TRAK1: variants seen among roughly 807,000 people sequenced by gnomAD.
TRAK1 encodes the protein trafficking kinesin protein 1.
TRAK1 carries 33 observed loss-of-function variants against 92.1 expected under a neutral mutation model. The ratio of observed to expected loss-of-function variants is 0.36; its 90% confidence interval spans 0.27 to 0.48. TRAK1 has a LOEUF of 0.48. Among genes scored for constraint, TRAK1 ranks in the 20% least tolerant of loss-of-function variants. The probability of loss-of-function intolerance (pLI) is 0.99; values close to 1 mark genes in which losing one functional copy is unlikely to be tolerated. For synonymous variants in TRAK1, 521 were observed against 517.3 expected, an observed-to-expected ratio of 1.01 and a Z score of -0.10; for missense variants, 1,123 against 1,257.9, an observed-to-expected ratio of 0.89 and a Z score of 1.62.
intron 2 of TRAK1, among the ~76,000 whole-genome samples, chr3:42,137,082 T>C (rs1383496728): frequency 1.8e-5 from 2 of 112,084 alleles, no homozygotes; most frequent in Non-Finnish European, 3.9e-5. Context: ...TTGTGAGATT[T>C]TTTTCTAGAT....
intron 9 of TRAK1, among the ~76,000 whole-genome samples, chr3:42,194,576 C>A (rs1460307743): frequency 6.6e-6 from 1 of 152,090 alleles, no homozygotes; most frequent in Non-Finnish European, 1.5e-5. Flanking sequence ...TTTCATTTGC[C>A]CATTGTTGGT....
intron 2 of TRAK1, among the ~76,000 whole-genome samples, chr3:42,138,921 G>GTGTGTA: frequency 6.9e-6 from 1 of 145,756 alleles, no homozygotes; most frequent in Non-Finnish European, 1.5e-5. Context: ...GTGTGTGTGT[G>GTGTGTA]TGTTTGGAGG....
At chr3:42,219,998 T>A (rs879216833) in intron 15 of TRAK1, among the ~76,000 whole-genome samples, 1 of 151,960 alleles carries the variant, frequency 6.6e-6, no homozygotes, top group Admixed American at 6.6e-5. Flanking sequence ...AGTTGGCTAT[T>A]TAGTTAGAAA....
chr3:42,193,001 A>G, intron 7 of TRAK1, 74 bp from the exon 8 acceptor site: 1 of 1,574,974 alleles, frequency 6.3e-7, no homozygotes, highest in Admixed American at 1.8e-5. Context: ...GCAAACCACA[A>G]AGAAACCATT....
In TRAK1 at chr3:42,202,762, C is replaced by G; in HGVS notation, c.1744+10C>G. On this transcript the variant is annotated intron_variant, in intron 13 of 15. Transcript: ENST00000327628. The surrounding 1 kb of genome is among the most constrained non-coding windows in gnomAD (Gnocchi z 6.1). ...GTGAAGCCGCTGGAAGGTGATCACG[C>G]GGGGCCTCGGCCCCTCTCTGTCCTC... 6.2e-7 allele frequency: 1 copy of G among 1,613,226 alleles called. No homozygotes were observed. Among genetic ancestry groups the G allele is most frequent in the Non-Finnish European group, 8.5e-7 (1 of 1,179,418 alleles).
chr3:42,163,590 A>G (rs1701526708), intron 2 of TRAK1, among the ~76,000 whole-genome samples: 1 of 150,550 alleles, frequency 6.6e-6, no homozygotes, highest in African/African-American at 2.4e-5. Flanking sequence ...AAAAAAAGGC[A>G]TGGACCTTCT....
rs1707859956 is a variant in TRAK1 at position 42,203,000 on chromosome 3, T to A, written c.1744+248T>A. Reference sequence around the variant, plus strand: ...AACTCGCCGAGGAAAGACAAGCATGTGCACTGTGGTCTTCTAGTTCTTTCC... The same window carrying A: ...AACTCGCCGAGGAAAGACAAGCATGAGCACTGTGGTCTTCTAGTTCTTTCC... On this transcript the variant is annotated intron_variant, in intron 13 of 15. Transcript: ENST00000327628. This position sits in a 1 kb window ranked among gnomAD's most constrained non-coding sequence, Gnocchi z 6.1. 3.1e-6 allele frequency: 4 copies of A among 1,306,486 alleles called. No individual in the cohort carries two copies. Among genetic ancestry groups the A allele is most frequent in the Non-Finnish European group, 3.9e-6 (4 of 1,026,826 alleles). 80.9% of individuals were successfully genotyped at this position (1,306,486 alleles called of 1,614,324 possible).
chr3:42,044,381 C>T lies in TRAK1; in HGVS notation c.-519+30264C>T, dbSNP rs116286084. 2.6e-3 allele frequency among the ~76,000 whole-genome samples: 398 copies of T among 152,294 alleles called. 1 individual carries two copies. The highest frequency in any genetic ancestry group is 9.2e-3 in the African/African-American group (384 of 41,562). ...TTCACCGTGCTACCCGGGCTGGTCTCGAACTCCTGAGCTCAAGAGATCCAC... is the reference window on the plus strand; with the variant it reads ...TTCACCGTGCTACCCGGGCTGGTCTTGAACTCCTGAGCTCAAGAGATCCAC... On this transcript the variant is annotated intron_variant, in intron 1 of 16. Transcript: ENST00000487159.
At chr3:42,032,422 C>T (rs1178823124) in intron 1 of TRAK1, among the ~76,000 whole-genome samples, 1 of 150,996 alleles carries the variant, frequency 6.6e-6, no homozygotes, top group Non-Finnish European at 1.5e-5. Flanking sequence ...GCGTGTCTTG[C>T]CAAGTACTGT....
At chr3:42,134,089 C>T (rs1697568524) in intron 2 of TRAK1, among the ~76,000 whole-genome samples, 1 of 152,098 alleles carries the variant, frequency 6.6e-6, no homozygotes, top group Admixed American at 6.5e-5. Flanking sequence ...AGCCCAGATG[C>T]CTAGGCACAT....
chr3:42,050,833 T>A (rs1465075614), intron 1 of TRAK1, among the ~76,000 whole-genome samples: 1 of 152,108 alleles, frequency 6.6e-6, no homozygotes, highest in Non-Finnish European at 1.5e-5. Flanking sequence ...AATTTTTGTA[T>A]TTTTAGTAGA....
At chr3:42,138,879 GTGT>G (rs1698306770) in intron 2 of TRAK1, among the ~76,000 whole-genome samples, 7 of 58,242 alleles carry the variant, frequency 1.2e-4, no homozygotes, top group East Asian at 5.5e-4. Flanking sequence ...CATAGGGGGT[GTGT>G]GTGTGTGTGT....
chr3:42,129,329 G>A (rs1696888848), intron 2 of TRAK1, among the ~76,000 whole-genome samples: 1 of 152,110 alleles, frequency 6.6e-6, no homozygotes, highest in Admixed American at 6.6e-5. Context: ...GGAGCGCTGG[G>A]GTTCTGATAC....
At chr3:42,089,051 AGG>A (rs1420620496), upstream of TRAK1, among the ~76,000 whole-genome samples, 1 of 152,174 alleles carries the variant, frequency 6.6e-6, no homozygotes, top group Non-Finnish European at 1.5e-5. Flanking sequence ...GATGTCTAAC[AGG>A]CATGTCAAAC....
intron 1 of TRAK1, among the ~76,000 whole-genome samples, chr3:42,097,778 G>A (rs914555096): frequency 1.3e-5 from 2 of 152,136 alleles, no homozygotes; most frequent in Non-Finnish European, 2.9e-5. Flanking sequence ...TTTATATCAA[G>A]GACTCACCAC....
chr3:42,212,192 T>G (rs912996163), intron 14 of TRAK1: 5 of 985,308 alleles, frequency 5.1e-6, no homozygotes, highest in Non-Finnish European at 6.0e-6. Context: ...CAGATAAGCT[T>G]CATGGGGAAG....
chr3:42,102,753 C>T (rs768252951), intron 1 of TRAK1, among the ~76,000 whole-genome samples: 26 of 152,254 alleles, frequency 1.7e-4, no homozygotes, highest in Non-Finnish European at 2.8e-4. Context: ...TCCCTTACTG[C>T]GCATGTGTTA....
In TRAK1 at chr3:42,223,387, G is replaced by C; in HGVS notation, c.2512G>C (p.Val838Leu). The change falls in exon 16 of 16, where the codon GTC becomes CTC. Residue 838 changes from valine to leucine, a missense_variant. Transcript: ENST00000327628. The surrounding 1 kb of genome is among the most constrained non-coding windows in gnomAD (Gnocchi z 6.1). ...CAGCGAGAGCCAGACCGACGTGTCC[G>C]TCTCCAACCTCAACCTCGTGGACAA... is the stretch of plus-strand genomic sequence containing the variant. ...RSSESQTDVS[V>L]SNLNLVDKVR... The C allele has an allele frequency of 6.2e-7, 1 of 1,614,206 alleles. No homozygotes were observed.
At chr3:42,190,958 G>C (rs17287575) in intron 6 of TRAK1, among the ~76,000 whole-genome samples, 23,161 of 152,082 alleles carry the variant, frequency 0.15, 1,986 homozygotes, top group Non-Finnish European at 0.2. Flanking sequence ...TGGGCCTTCA[G>C]ATCTCTATCA....
Sources: allele counts gnomAD v4.1 joint callset (sites outside exome capture counted in the v4.1 genomes callset), GRCh38; gene constraint gnomAD v4.1.1; non-coding constraint Gnocchi (gnomAD v3.1); transcripts MANE v1.5; gene names NCBI Gene and HGNC (gene_info 2026-07-23, HGNC 2026-07-21).